The following CPNE3 variants were observed in gnomAD, a reference collection of about 807,000 sequenced individuals.
CPNE3 encodes the protein copine 3.
In CPNE3, 68 loss-of-function variants were observed where a neutral mutation model predicts 63.9. The observed-to-expected ratio is 1.06, with a 90% CI of 0.87 to 1.30. The LOEUF is 1.30. Among genes scored for constraint, CPNE3 ranks in the 50% most tolerant of loss-of-function variants. The pLI is 0.00. For missense variants in CPNE3, 665 were observed against 578.1 expected, an observed-to-expected ratio of 1.15 and a Z score of -1.54; for synonymous variants, 219 against 197.5, an observed-to-expected ratio of 1.11 and a Z score of -0.91.
At chr8:86,530,400 G>A (rs1368519820) in intron 4 of CPNE3, among the ~76,000 whole-genome samples, 1 of 152,038 alleles carries the variant, frequency 6.6e-6, no homozygotes, top group African/African-American at 2.4e-5. Context: ...GAACTTGTGG[G>A]CTCAAGCAAT....
chr8:86,517,420 G>A (rs139560490), intron 2 of CPNE3, among the ~76,000 whole-genome samples: 25 of 152,170 alleles, frequency 1.6e-4, no homozygotes, highest in South Asian at 8.3e-4. Context: ...ATTGTTATCC[G>A]GCTATTTCAC....
At chr8:86,544,145 C>T (rs1256288503) in intron 8 of CPNE3, among the ~76,000 whole-genome samples, 1 of 151,884 alleles carries the variant, frequency 6.6e-6, no homozygotes. Context: ...GGACTAAGTA[C>T]TCTTAGCCTG....
At chr8:86,539,050 G>T (rs1165107595) in intron 7 of CPNE3, among the ~76,000 whole-genome samples, 1 of 152,108 alleles carries the variant, frequency 6.6e-6, no homozygotes, top group Admixed American at 6.6e-5. Flanking sequence ...ATCCTTTTTA[G>T]TTATATTAGC....
chr8:86,531,297 T>G (rs1291835879), intron 5 of CPNE3, 68 bp downstream of exon 5: 1 of 795,474 alleles, frequency 1.3e-6, no homozygotes, highest in Admixed American at 1.8e-5. Context: ...AAACTGTCCA[T>G]ATCAGAGAAA....
At chr8:86,531,671 A>T (rs1586834578) in intron 5 of CPNE3, among the ~76,000 whole-genome samples, 1 of 104,672 alleles carries the variant, frequency 9.6e-6, no homozygotes, top group African/African-American at 3.6e-5. Context: ...ACTCTTTACC[A>T]TCATTTTTTG....
chr8:86,556,077 G>A (rs777486580), intron 15 of CPNE3, 25 bp from the exon 16 acceptor site: 2 of 869,492 alleles, frequency 2.3e-6, no homozygotes, highest in Non-Finnish European at 4.0e-6. Context: ...ACTTGCTCAG[G>A]GGACATGTTT....
chr8:86,559,847 C>G lies in CPNE3; in HGVS notation c.*1437C>G, dbSNP rs979529658. ...TCATATATCCTTAAGTGGACACATA[C>G]AGTGCCATGTTGATGTGCCTCTCAG... On this transcript the variant is annotated 3_prime_UTR_variant, in exon 17 of 17. Coordinates refer to ENST00000517490, the MANE Select transcript of CPNE3 (RefSeq NM_003909.5). 2 of 152,212 alleles carry G rather than the reference C, an allele frequency of 1.3e-5. No individual in the cohort carries two copies. The highest frequency in any genetic ancestry group is 2.9e-5 in the Non-Finnish European group (2 of 68,050). The allele number at this position is 152,212 out of a possible 1,614,324, so 9.4% of individuals were successfully genotyped here.
rs754841928 is a variant in CPNE3, at chr8:86,532,621, T to G, written c.459+41T>G. 2.6e-6 allele frequency: 4 copies of G among 1,540,044 alleles called. No individual in the cohort carries two copies. The Admixed American group carries it at 7.6e-5, about 29-fold the overall frequency. On this transcript the variant is annotated intron_variant, in intron 6 of 16. Coordinates refer to ENST00000517490, the MANE Select transcript of CPNE3 (RefSeq NM_003909.5). Reference sequence around the variant, plus strand: ...AGATTTCAAAAAGGTTGTCATGTTTTGCCTCTTTTTTAAGAAAATAAAAAT... The same window carrying G: ...AGATTTCAAAAAGGTTGTCATGTTTGGCCTCTTTTTTAAGAAAATAAAAAT...
rs761675382 is a variant in CPNE3, at chr8:86,544,849, T to A, written c.732+11T>A. 10 of 1,496,908 alleles carry A rather than the reference T, an allele frequency of 6.7e-6. No individual in the cohort carries two copies. Among genetic ancestry groups the A allele is most frequent in the African/African-American group, 2.8e-5 (2 of 70,774 alleles). The allele number at this position is 1,496,908 out of a possible 1,614,324, so 92.7% of individuals were successfully genotyped here. A position where few individuals can be genotyped will look rare whatever the true frequency, so the allele number is the denominator to read the frequency against. ...TCCAGAAGCTCACCTGTAAGTTACA[T>A]CCTTGCATTTGCATATACTTTATAG... On this transcript the variant is annotated intron_variant, in intron 9 of 16. Transcript: ENST00000517490.
chr8:86,535,140 C>G (rs1049929735), intron 6 of CPNE3, among the ~76,000 whole-genome samples: 7 of 151,922 alleles, frequency 4.6e-5, no homozygotes, highest in African/African-American at 1.7e-4. Context: ...CTTTAATAAG[C>G]CATGTCCCAA....
chr8:86,554,825 G>A, intron 14 of CPNE3, 26 bp from the exon 15 acceptor site: 1 of 1,609,156 alleles, frequency 6.2e-7, no homozygotes, highest in Non-Finnish European at 8.5e-7. Flanking sequence ...TTTTAGTACT[G>A]TTTTTTATTT....
At chr8:86,538,989 A>G (rs574568091) in intron 7 of CPNE3, among the ~76,000 whole-genome samples, 2 of 152,244 alleles carry the variant, frequency 1.3e-5, no homozygotes, top group Non-Finnish European at 2.9e-5. Context: ...ATCCTTGCCT[A>G]ATCAATTATT....
intron 6 of CPNE3, among the ~76,000 whole-genome samples, chr8:86,535,423 C>T (rs1361937634): frequency 6.6e-6 from 1 of 151,956 alleles, no homozygotes; most frequent in South Asian, 2.1e-4. Context: ...CCTGTAATCC[C>T]AGCACTCTGG....
chr8:86,558,330 C>G lies in CPNE3; in HGVS notation c.1534C>G (p.Pro512Ala), dbSNP rs529551993. Residue 512 changes from proline (P) to alanine (A), a missense_variant, in exon 17 of 17, where the codon CCC becomes GCC. By Grantham distance (27) the Pro-to-Ala change is conservative. Transcript: ENST00000517490. ...ALAQCVLAEI[P>A]QQVVGYFNTY... ...TGCTCAGTGTGTCTTGGCAGAGATT[C>G]CCCAGCAGGTGGTGGGCTACTTCAA... 1.1e-6 allele frequency: 1 copy of G among 872,920 alleles called. No homozygotes were observed. The highest frequency in any genetic ancestry group is 2.4e-5 in the East Asian group (1 of 41,698). The allele number at this position is 872,920 out of a possible 1,614,324, so 54.1% of individuals were successfully genotyped here.
chr8:86,553,529 G>A (rs61032563), intron 14 of CPNE3, among the ~76,000 whole-genome samples: 2,749 of 152,224 alleles, frequency 0.018, 74 homozygotes, highest in African/African-American at 0.061. Flanking sequence ...ATAGCAATAT[G>A]CAGTACAGGT....
chr8:86,552,857 G>A (rs1412123720), intron 14 of CPNE3, among the ~76,000 whole-genome samples: 2 of 77,758 alleles, frequency 2.6e-5, no homozygotes, highest in South Asian at 4.2e-4. Context: ...TTTTTTTTTC[G>A]AGACGAAGTC....
intron 6 of CPNE3, among the ~76,000 whole-genome samples, chr8:86,534,181 T>G (rs1820750193): frequency 6.6e-6 from 1 of 152,196 alleles, no homozygotes; most frequent in Admixed American, 6.5e-5. Context: ...CTCTCTCTAC[T>G]TTTATTTTCT....
intron 14 of CPNE3, 102 bp from the exon 15 acceptor site, chr8:86,554,749 C>A: frequency 2.2e-6 from 3 of 1,355,740 alleles, no homozygotes; most frequent in South Asian, 1.4e-5. Flanking sequence ...CTATTTAAAG[C>A]ACTATATGTT....
intron 8 of CPNE3, among the ~76,000 whole-genome samples, chr8:86,542,597 A>G (rs1241459771): frequency 6.6e-6 from 1 of 151,788 alleles, no homozygotes; most frequent in African/African-American, 2.4e-5. Context: ...GAATACATGT[A>G]TATATTATAT....
Sources: gnomAD v4.1 joint callset for allele counts (sites outside exome capture counted in the v4.1 genomes callset) on GRCh38, gnomAD v4.1.1 for gene constraint, MANE v1.5 for transcripts, NCBI Gene and HGNC (gene_info 2026-07-23, HGNC 2026-07-21) for gene names.